DRC1: variants seen among roughly 807,000 people sequenced by gnomAD.
The protein encoded by DRC1 is dynein regulatory complex subunit 1, also known as dynein regulatory complex protein 1.
DRC1 carries 74 observed loss-of-function variants against 98.7 expected under a neutral mutation model. That is an observed-to-expected ratio of 0.75 (90% CI 0.62 to 0.91). The LOEUF (loss-of-function observed/expected upper bound fraction) is 0.91, where lower values mean the gene tolerates loss of function less well. DRC1 is among the 40% of genes least tolerant of loss of function. The pLI is 0.00. For synonymous variants in DRC1, 336 were observed against 334.1 expected, an observed-to-expected ratio of 1.01 and a Z score of -0.06; for missense variants, 875 against 886.0, an observed-to-expected ratio of 0.99 and a Z score of 0.16.
In DRC1 at chr2:26,448,716, C is replaced by G; in HGVS notation, c.1422C>G (p.Ala474=). Residue 474 remains alanine (A), a synonymous_variant, in exon 11 of 17, where the codon GCC becomes GCG. Transcript: ENST00000288710. ...RSEEEEAEEA[A]AEPESYLDLP... ...AAGAGGAGGAGGCAGAAGAGGCCGCCGCGGAACCAGAGTCCTACCTGGATT... is the reference window on the plus strand; with the variant it reads ...AAGAGGAGGAGGCAGAAGAGGCCGCGGCGGAACCAGAGTCCTACCTGGATT... The G allele has an allele frequency of 6.2e-7, 1 of 1,614,216 alleles. No homozygotes were observed. The highest frequency in any genetic ancestry group is 8.5e-7 in the Non-Finnish European group (1 of 1,180,046).
intron 2 of DRC1, among the ~76,000 whole-genome samples, chr2:26,417,009 C>T (rs971967395): frequency 6.6e-6 from 1 of 152,100 alleles, no homozygotes; most frequent in Admixed American, 6.6e-5. Flanking sequence ...AGGTGCCACA[C>T]ACTTTACAAC....
intron 2 of DRC1, among the ~76,000 whole-genome samples, chr2:26,420,659 T>C (rs942047790): frequency 3.3e-5 from 5 of 152,152 alleles, no homozygotes; most frequent in African/African-American, 1.2e-4. Flanking sequence ...AGGATACTAA[T>C]GATGCCCTTC....
intron 16 of DRC1, among the ~76,000 whole-genome samples, 161 bp from the exon 17 acceptor site, chr2:26,456,300 C>T (rs1034353483): frequency 2.0e-5 from 3 of 152,220 alleles, no homozygotes. Flanking sequence ...GGCGTGTCTC[C>T]TGCAGGGAGG....
At chr2:26,445,062 G>A in intron 10 of DRC1, 114 bp downstream of exon 10, 1 of 1,138,078 alleles carries the variant, frequency 8.8e-7, no homozygotes, top group South Asian at 1.6e-5. Context: ...TATGATTATT[G>A]GTATCGCTTT....
intron 5 of DRC1, chr2:26,430,550 G>A (rs745544461): frequency 1.2e-5 from 7 of 596,626 alleles, no homozygotes; most frequent in East Asian, 3.8e-5. Flanking sequence ...ACTAAGCCAC[G>A]GGACTGTTGG....
At chr2:26,442,394 A>G (rs888262226) in intron 8 of DRC1, among the ~76,000 whole-genome samples, 2 of 152,194 alleles carry the variant, frequency 1.3e-5, no homozygotes, top group Admixed American at 6.5e-5. Context: ...GGCCTCATCT[A>G]TTATGATTGG....
chr2:26,402,170 G>C lies in DRC1; in HGVS notation c.155+26G>C, dbSNP rs750851765. 1.4e-5 allele frequency: 22 copies of C among 1,556,444 alleles called. No individual in the cohort carries two copies. In the African/African-American group the frequency reaches 2.2e-4, roughly 16 times the overall value. ...GTGAGCGCGGGGGCGGGCGGGGCGG[G>C]ATCCGCGCCGCAGGAGCCGGAGAAG... On this transcript the variant is annotated intron_variant, in intron 1 of 16. Transcript: ENST00000288710.
At chr2:26,413,228 G>C (rs1678677198) in intron 1 of DRC1, among the ~76,000 whole-genome samples, 1 of 152,130 alleles carries the variant, frequency 6.6e-6, no homozygotes, top group Admixed American at 6.6e-5. Context: ...CTGAAATATT[G>C]TTTTCTCTTA....
chr2:26,424,405 G>C lies in DRC1; in HGVS notation c.491G>C (p.Cys164Ser). 1 of 1,613,936 alleles carries C rather than the reference G, an allele frequency of 6.2e-7. No individual in the cohort carries two copies. Among genetic ancestry groups the C allele is most frequent in the South Asian group, 1.1e-5 (1 of 91,066 alleles). The change falls in exon 4 of 17, where the codon TGT (cysteine) becomes TCT (serine). Residue 164 changes from cysteine (C) to serine (S), a missense_variant. Coordinates refer to ENST00000288710, the MANE Select transcript of DRC1 (RefSeq NM_145038.5). ...ATGCTCAATACCCAACAGCTGCACT[G>C]TGCTGGACTCTTAGAAGATAAGAAT... ...WEMLNTQQLH[C>S]AGLLEDKNKL...
rs567909797 is a variant in DRC1, at chr2:26,440,238, A to G, written c.889-140A>G. 21 of 1,126,790 alleles carry G rather than the reference A, an allele frequency of 1.9e-5. No homozygotes were observed. In the South Asian group the frequency reaches 6.8e-4, roughly 36 times the overall value. 69.8% of individuals were successfully genotyped at this position (1,126,790 alleles called of 1,614,324 possible). Reference sequence around the variant, plus strand: ...AGTATGTCTATGTAAATATTTACCTATATAAAGCATGTTCCCCAAAAGACA... The same window carrying G: ...AGTATGTCTATGTAAATATTTACCTGTATAAAGCATGTTCCCCAAAAGACA... On this transcript the variant is annotated intron_variant, in intron 7 of 16. Coordinates refer to ENST00000288710, the MANE Select transcript of DRC1 (RefSeq NM_145038.5).
At chr2:26,428,731 G>A (rs535032554) in intron 4 of DRC1, among the ~76,000 whole-genome samples, 2 of 151,926 alleles carry the variant, frequency 1.3e-5, no homozygotes, top group Non-Finnish European at 2.9e-5. Context: ...CCGGGAGGTG[G>A]AGCTTGCAGT....
intron 16 of DRC1, 34 bp from the exon 17 acceptor site, chr2:26,456,427 A>G (rs1298617801): frequency 1.2e-6 from 2 of 1,613,430 alleles, no homozygotes; most frequent in East Asian, 4.5e-5. Flanking sequence ...GGGCCCTGGG[A>G]AAAATGTAAC....
chr2:26,448,616 CTG>C (rs1663919684), intron 10 of DRC1, 73 bp from the exon 11 acceptor site: 2 of 1,447,792 alleles, frequency 1.4e-6, no homozygotes, highest in South Asian at 2.3e-5. Context: ...AGCCATCTGA[CTG>C]TTTCTCAGAG....
rs1558457935 is a variant in DRC1, at chr2:26,455,114, G to A, written c.2064-17G>A. On this transcript the variant is annotated splice_polypyrimidine_tract_variant and intron_variant, in intron 15 of 16. Transcript: ENST00000288710. Reference sequence around the variant, plus strand: ...TGGAGGATTCAGTGAGCCTCTAACCGATTTTTCTGTCCAAAGCCTTGTCCT... The same window carrying A: ...TGGAGGATTCAGTGAGCCTCTAACCAATTTTTCTGTCCAAAGCCTTGTCCT... The A allele has an allele frequency of 1.9e-6, 3 of 1,613,766 alleles. No homozygotes were observed. The highest frequency in any genetic ancestry group is 2.2e-5 in the East Asian group (1 of 44,856).
At position 26,454,819 on chromosome 2, in the gene DRC1, G is replaced by T; in HGVS notation, c.2063+29G>T. ...AGTGTGCATGTCATGGAGCAGGAGG[G>T]TGCTGGCGGGCAGGTGAGGAACGGT... On this transcript the variant is annotated intron_variant, in intron 15 of 16. Transcript: ENST00000288710. The surrounding 1 kb of genome is among the most constrained non-coding windows in gnomAD (Gnocchi z 5.2). The T allele has an allele frequency of 6.2e-7, 1 of 1,613,328 alleles. No individual in the cohort carries two copies. The highest frequency in any genetic ancestry group is 1.1e-5 in the South Asian group (1 of 91,060).
intron 1 of DRC1, among the ~76,000 whole-genome samples, chr2:26,405,524 T>C (rs147569466): frequency 2.7e-4 from 41 of 151,680 alleles, no homozygotes; most frequent in Non-Finnish European, 4.4e-4. Context: ...CACCTGAAGG[T>C]AGGTGGTCAG....
At chr2:26,411,966 G>A (rs1030383752) in intron 1 of DRC1, among the ~76,000 whole-genome samples, 2 of 152,098 alleles carry the variant, frequency 1.3e-5, no homozygotes, top group Non-Finnish European at 2.9e-5. Flanking sequence ...GGAATTTTTT[G>A]AGTGGTGATG....
intron 6 of DRC1, among the ~76,000 whole-genome samples, chr2:26,431,291 T>A (rs986494862): frequency 1.3e-5 from 2 of 152,206 alleles, no homozygotes; most frequent in African/African-American, 4.8e-5. Context: ...TGTGGCTGAA[T>A]GCTACTGCGT....
chr2:26,439,713 A>G (rs1663661543), intron 7 of DRC1, among the ~76,000 whole-genome samples: 1 of 151,542 alleles, frequency 6.6e-6, no homozygotes, highest in Admixed American at 6.6e-5. Flanking sequence ...AGTTATTTGG[A>G]CTTGAAAGCT....
Sources: gnomAD v4.1 joint callset for allele counts (sites outside exome capture counted in the v4.1 genomes callset) on GRCh38, gnomAD v4.1.1 for gene constraint, Gnocchi (gnomAD v3.1) non-coding constraint, MANE v1.5 for transcripts, NCBI Gene and HGNC (gene_info 2026-07-23, HGNC 2026-07-21) for gene names.